Variants in LMNB1 observed in about 807,000 individuals in gnomAD.
LMNB1 encodes lamin-B1.
In LMNB1, 23 loss-of-function variants were observed where a neutral mutation model predicts 67.1. That is an observed-to-expected ratio of 0.34 (90% CI 0.25 to 0.49). The LOEUF (loss-of-function observed/expected upper bound fraction) is 0.49, where lower values mean the gene tolerates loss of function less well. LMNB1 is among the 20% of genes least tolerant of loss of function. The pLI, the probability that LMNB1 is intolerant of heterozygous loss-of-function variation, is 0.99. For synonymous variants in LMNB1, 281 were observed against 282.9 expected, an observed-to-expected ratio of 0.99 and a Z score of 0.07; for missense variants, 634 against 746.5, an observed-to-expected ratio of 0.85 and a Z score of 1.76.
chr5:126,807,388 C>G (rs1327107994), intron 3 of LMNB1, among the ~76,000 whole-genome samples: 4 of 152,164 alleles, frequency 2.6e-5, no homozygotes, highest in African/African-American at 9.7e-5. Flanking sequence ...AAATTACAGG[C>G]TTTAAACAAA....
At chr5:126,821,833 A>G (rs963378306) in intron 7 of LMNB1, among the ~76,000 whole-genome samples, 1 of 150,482 alleles carries the variant, frequency 6.6e-6, no homozygotes, top group African/African-American at 2.4e-5. Flanking sequence ...TGGATGTCAC[A>G]TCTTGAAACA....
At chr5:126,788,720 C>A (rs1386661417) in intron 1 of LMNB1, among the ~76,000 whole-genome samples, 1 of 152,024 alleles carries the variant, frequency 6.6e-6, no homozygotes, top group Non-Finnish European at 1.5e-5. Context: ...TAAAAAGTAT[C>A]TGTTGTCATT....
intron 1 of LMNB1, among the ~76,000 whole-genome samples, chr5:126,804,040 T>C (rs2126709137): frequency 6.6e-6 from 1 of 152,202 alleles, no homozygotes; most frequent in South Asian, 2.1e-4. Flanking sequence ...CATTACTTTT[T>C]AAAATAACCT....
chr5:126,811,663 A>G (rs1426395703), intron 4 of LMNB1, 110 bp from the exon 5 acceptor site: 1 of 946,278 alleles, frequency 1.1e-6, no homozygotes, highest in Non-Finnish European at 1.6e-6. Context: ...CCTGTGTTTC[A>G]TCTACCAGTT....
At chr5:126,795,756 C>G (rs1449816103) in intron 1 of LMNB1, among the ~76,000 whole-genome samples, 1 of 151,540 alleles carries the variant, frequency 6.6e-6, no homozygotes, top group Non-Finnish European at 1.5e-5. Flanking sequence ...TCCCGAGTAG[C>G]TGGGATTACA....
chr5:126,782,123 T>A (rs1343619760), intron 1 of LMNB1, among the ~76,000 whole-genome samples: 1 of 152,190 alleles, frequency 6.6e-6, no homozygotes, highest in Admixed American at 6.5e-5. Context: ...TGTTTCAGAT[T>A]TTCACTGTTA....
At chr5:126,816,416 C>A (rs1462476165) in intron 5 of LMNB1, among the ~76,000 whole-genome samples, 1 of 152,080 alleles carries the variant, frequency 6.6e-6, no homozygotes. Flanking sequence ...TTTTAAATAA[C>A]CTTGTTATTT....
chr5:126,831,060 C>T (rs994483610), intron 9 of LMNB1, among the ~76,000 whole-genome samples: 7 of 152,182 alleles, frequency 4.6e-5, no homozygotes, highest in Non-Finnish European at 8.8e-5. Context: ...AAAAAATCCC[C>T]ACAAAATACT....
At chr5:126,804,204 C>A (rs1300937442) in intron 1 of LMNB1, among the ~76,000 whole-genome samples, 1 of 148,934 alleles carries the variant, frequency 6.7e-6, no homozygotes, top group Non-Finnish European at 1.5e-5. Flanking sequence ...TCCCAAGTAG[C>A]TGGGACTACA....
At chr5:126,791,280 A>G (rs2112934006) in intron 1 of LMNB1, among the ~76,000 whole-genome samples, 1 of 152,006 alleles carries the variant, frequency 6.6e-6, no homozygotes, top group South Asian at 2.1e-4. Flanking sequence ...AATTTTCTTG[A>G]GATTTTCTCC....
In LMNB1 at chr5:126,816,098, C is replaced by CT. The variant is rs574388006; in HGVS notation, c.940-2813dup. 3.4e-3 allele frequency among the ~76,000 whole-genome samples: 502 copies of CT among 147,462 alleles called. 1 individual carries two copies. Among genetic ancestry groups the CT allele is most frequent in the African/African-American group, 0.012 (466 of 40,302 alleles). ...AGGGAGGCATTTTGAACTTACATGA[C>CT]TTTTTTTTTTTCTTTTGGAGAAAAA... On this transcript the variant is annotated intron_variant, in intron 5 of 10. Coordinates refer to ENST00000261366, the MANE Select transcript of LMNB1 (RefSeq NM_005573.4).
At chr5:126,832,511 G>A (rs1752158919) in intron 9 of LMNB1, among the ~76,000 whole-genome samples, 183 bp from the exon 10 acceptor site, 1 of 152,056 alleles carries the variant, frequency 6.6e-6, no homozygotes, top group Admixed American at 6.5e-5. Context: ...TGTTGGTCAG[G>A]CTGGTCTCTA....
intron 5 of LMNB1, among the ~76,000 whole-genome samples, chr5:126,818,239 CTTT>C (rs376846973): frequency 4.5e-5 from 6 of 134,184 alleles, no homozygotes; most frequent in Admixed American, 7.6e-5. Flanking sequence ...GTGTTTATAT[CTTT>C]TTTTTTTTTT....
chr5:126,834,109 C>A (rs762246521), intron 10 of LMNB1, among the ~76,000 whole-genome samples: 1 of 152,194 alleles, frequency 6.6e-6, no homozygotes, highest in Non-Finnish European at 1.5e-5. Flanking sequence ...TCTTTTAGGT[C>A]TCTTTCTGTG....
Position 126,777,745 on chromosome 5 carries a change from G to T in LMNB1, c.237G>T (p.Lys79Asn). 6.5e-7 allele frequency: 1 copy of T among 1,537,316 alleles called. No individual in the cohort carries two copies. The highest frequency in any genetic ancestry group is 8.8e-7 in the Non-Finnish European group (1 of 1,140,812). The change falls in exon 1 of 11, where the codon AAG becomes AAT. Residue 79 changes from lysine (K) to asparagine (N), a missense_variant. Lys to Asn is a moderately conservative substitution (Grantham distance 94, BLOSUM62 0). Coordinates refer to ENST00000261366, the MANE Select transcript of LMNB1 (RefSeq NM_005573.4). Reference sequence around the variant, plus strand: ...GCGGCCGTGAGCTCACCGGCCTCAAGGCGCTCTACGAGACCGAGCTGGCCG... The same window carrying T: ...GCGGCCGTGAGCTCACCGGCCTCAATGCGCTCTACGAGACCGAGCTGGCCG... ...EVRGRELTGL[K>N]ALYETELADA...
At chr5:126,798,762 AGTGTGTGTGT>A (rs71665643) in intron 1 of LMNB1, among the ~76,000 whole-genome samples, 2 of 149,070 alleles carry the variant, frequency 1.3e-5, no homozygotes, top group South Asian at 2.1e-4. Flanking sequence ...AAAAAAGAGA[AGTGTGTGTGT>A]GTGTGTGTGT....
chr5:126,784,134 C>T (rs1265276333), intron 1 of LMNB1, among the ~76,000 whole-genome samples: 3 of 140,552 alleles, frequency 2.1e-5, no homozygotes, highest in African/African-American at 8.1e-5. Flanking sequence ...AAGCAATTCT[C>T]CTGCCTCAGC....
At chr5:126,835,160 G>A (rs1752220995) in intron 10 of LMNB1, among the ~76,000 whole-genome samples, 2 of 152,058 alleles carry the variant, frequency 1.3e-5, no homozygotes, top group Admixed American at 6.5e-5. Flanking sequence ...AAACTTGAGG[G>A]TGAGAGAAGA....
chr5:126,802,174 G>A (rs1233597368), intron 1 of LMNB1, among the ~76,000 whole-genome samples: 1 of 152,062 alleles, frequency 6.6e-6, no homozygotes, highest in Non-Finnish European at 1.5e-5. Flanking sequence ...TTAAGCATGT[G>A]GCATGACTGC....
Sources: gnomAD v4.1 joint callset for allele counts (sites outside exome capture counted in the v4.1 genomes callset) on GRCh38, gnomAD v4.1.1 for gene constraint, MANE v1.5 for transcripts, NCBI Gene and HGNC (gene_info 2026-07-23, HGNC 2026-07-21) for gene names.